IDE: variants seen among roughly 807,000 people sequenced by gnomAD.
The protein encoded by IDE is insulin-degrading enzyme.
IDE carries 58 observed loss-of-function variants against 133.2 expected under a neutral mutation model. The ratio of observed to expected loss-of-function variants is 0.44; its 90% CI spans 0.35 to 0.54. The LOEUF is 0.54. IDE is among the 20% of genes least tolerant of loss of function. IDE has a pLI of 0.00. For synonymous variants in IDE, 396 were observed against 421.3 expected, an observed-to-expected ratio of 0.94 and a Z score of 0.73; for missense variants, 981 against 1,234.0, an observed-to-expected ratio of 0.79 and a Z score of 3.07.
chr10:92,572,661 C>T (rs1213364832), intron 1 of IDE, among the ~76,000 whole-genome samples: 1 of 152,186 alleles, frequency 6.6e-6, no homozygotes, highest in East Asian at 1.9e-4. Flanking sequence ...AGACCCAGGC[C>T]AGCATTACCC....
At chr10:92,518,029 C>T (rs7075851) in intron 4 of IDE, among the ~76,000 whole-genome samples, 15,122 of 152,056 alleles carry the variant, frequency 0.099, 875 homozygotes, top group South Asian at 0.17. Context: ...CTGAGGGGTC[C>T]AGATGCTCTT....
chr10:92,549,778 G>T (rs537037574), intron 1 of IDE, among the ~76,000 whole-genome samples: 1 of 152,108 alleles, frequency 6.6e-6, no homozygotes, highest in Non-Finnish European at 1.5e-5. Flanking sequence ...ATTCTTTACT[G>T]GATGGGGAAA....
chr10:92,507,106 C>T (rs1033973296), intron 9 of IDE, among the ~76,000 whole-genome samples: 5 of 127,000 alleles, frequency 3.9e-5, no homozygotes, highest in African/African-American at 8.0e-5. Flanking sequence ...ATTTGTTTTA[C>T]GCAAAAAAAA....
chr10:92,478,927 T>C (rs1846436404), intron 15 of IDE: 1 of 303,800 alleles, frequency 3.3e-6, no homozygotes, highest in African/African-American at 2.2e-5. Flanking sequence ...AACCTTAGGT[T>C]TTACAAAAGG....
chr10:92,483,408 T>A, intron 13 of IDE, 71 bp from the exon 14 acceptor site: 1 of 823,336 alleles, frequency 1.2e-6, no homozygotes. Flanking sequence ...CAAATCACTC[T>A]TCAAGAGGAG....
intron 4 of IDE, among the ~76,000 whole-genome samples, chr10:92,526,021 T>C (rs1020461022): frequency 6.6e-6 from 1 of 151,936 alleles, no homozygotes; most frequent in Non-Finnish European, 1.5e-5. Flanking sequence ...CTGGGCGTTG[T>C]GGTGCAAGCC....
Position 92,475,989 on chromosome 10 carries a change from T to G in IDE, c.1890A>C (p.Ser630=). The change falls in exon 16 of 25, where the codon TCA becomes TCC. Residue 630 remains serine (S), a synonymous_variant. Transcript: ENST00000265986. The part of the protein sequence containing the change: ...LQNTIYGMYL[S]VKGYNDKQPI... ...GCTGCTTGTCATTGTAACCTTTCACTGAAAGCTACAGAAAGAATTCAGGGT... is the reference window on the plus strand; with the variant it reads ...GCTGCTTGTCATTGTAACCTTTCACGGAAAGCTACAGAAAGAATTCAGGGT... 1 of 1,396,404 alleles carries G rather than the reference T, an allele frequency of 7.2e-7. No individual in the cohort carries two copies. Among genetic ancestry groups the G allele is most frequent in the Non-Finnish European group, 1.0e-6 (1 of 999,564 alleles). 86.5% of individuals were successfully genotyped at this position (1,396,404 alleles called of 1,614,324 possible). A position where few individuals can be genotyped will look rare whatever the true frequency, so the allele number is the denominator to read the frequency against.
chr10:92,557,606 T>C (rs535655199), intron 1 of IDE, among the ~76,000 whole-genome samples: 3 of 151,962 alleles, frequency 2.0e-5, no homozygotes, highest in African/African-American at 4.8e-5. Context: ...AATTTATTTT[T>C]GAAAAGGATG....
chr10:92,557,547 T>C (rs959102741), intron 1 of IDE, among the ~76,000 whole-genome samples: 1 of 151,346 alleles, frequency 6.6e-6, no homozygotes, highest in Admixed American at 6.6e-5. Flanking sequence ...ACCATACAGA[T>C]TAATGGAACA....
intron 11 of IDE, among the ~76,000 whole-genome samples, chr10:92,499,422 G>C (rs144788283): frequency 6.6e-6 from 1 of 151,950 alleles, no homozygotes; most frequent in African/African-American, 2.4e-5. Context: ...TAGGATTATA[G>C]GCATGAGCCA....
intron 10 of IDE, among the ~76,000 whole-genome samples, chr10:92,505,413 A>T (rs1839721067): frequency 6.6e-6 from 1 of 152,180 alleles, no homozygotes; most frequent in Non-Finnish European, 1.5e-5. Context: ...TTTTGGTAAG[A>T]GCAACTTCCA....
intron 1 of IDE, chr10:92,541,232 C>A: frequency 2.6e-6 from 1 of 391,688 alleles, no homozygotes. Context: ...CAATCCTATT[C>A]AATACAAAGT....
chr10:92,544,916 G>A (rs1409095964), intron 1 of IDE, among the ~76,000 whole-genome samples: 1 of 152,110 alleles, frequency 6.6e-6, no homozygotes, highest in African/African-American at 2.4e-5. Context: ...AAGTACTACA[G>A]TAGACATGAA....
At chr10:92,455,686 C>T in intron 23 of IDE, 43 bp from the exon 24 acceptor site, 1 of 1,076,872 alleles carries the variant, frequency 9.3e-7, no homozygotes, top group Non-Finnish European at 1.4e-6. Context: ...CTTATTGATA[C>T]TATCACAAAA....
chr10:92,504,674 T>C (rs1848199446), intron 11 of IDE, 120 bp downstream of exon 11: 1 of 640,446 alleles, frequency 1.6e-6, no homozygotes, highest in Non-Finnish European at 2.8e-6. Context: ...TACTATTCTC[T>C]ACTTTTGTAA....
intron 2 of IDE, among the ~76,000 whole-genome samples, chr10:92,535,501 C>T (rs1026975374): frequency 5.3e-5 from 8 of 152,206 alleles, no homozygotes; most frequent in African/African-American, 7.2e-5. Flanking sequence ...GGCTGTGAAA[C>T]GGTAAGCACA....
chr10:92,496,393 A>G (rs1200861408), intron 11 of IDE, among the ~76,000 whole-genome samples: 1 of 152,196 alleles, frequency 6.6e-6, no homozygotes, highest in Non-Finnish European at 1.5e-5. Flanking sequence ...CTCCTCTCTT[A>G]TTTACCTGGT....
At chr10:92,509,858 C>T (rs1468822366) in intron 6 of IDE, among the ~76,000 whole-genome samples, 192 bp downstream of exon 6, 1 of 143,190 alleles carries the variant, frequency 7.0e-6, no homozygotes, top group Non-Finnish European at 1.5e-5. Flanking sequence ...GAAGTTGAGG[C>T]TTCAGTGAGC....
rs1227570573 is a variant in IDE at position 92,537,555 on chromosome 10, A to G, written c.99-5T>C. ...CTGTAAGTCTTTTTTTGGAAACTGA[A>G]AAGAAAGAGATTTTTAATTGTTGAT... On this transcript the variant is annotated splice_region_variant and splice_polypyrimidine_tract_variant and intron_variant, in intron 1 of 24. Transcript: ENST00000265986. 2 of 1,576,810 alleles carry G rather than the reference A, an allele frequency of 1.3e-6. No homozygotes were observed. Among genetic ancestry groups the G allele is most frequent in the Non-Finnish European group, 1.7e-6 (2 of 1,159,472 alleles).
Sources: allele counts gnomAD v4.1 joint callset (sites outside exome capture counted in the v4.1 genomes callset), GRCh38; gene constraint gnomAD v4.1.1; transcripts MANE v1.5; gene names NCBI Gene and HGNC (gene_info 2026-07-23, HGNC 2026-07-21).